Variants in ROCK1 observed in about 807,000 individuals in gnomAD.
ROCK1 encodes the protein rho-associated protein kinase 1.
In ROCK1, 36 loss-of-function variants were observed where a neutral mutation model predicts 196.8. The observed-to-expected ratio is 0.18, with a 90% CI of 0.14 to 0.24. The LOEUF is 0.24. Ranked by LOEUF, ROCK1 falls within the 10% of genes least tolerant of loss-of-function variation. The pLI, the probability that ROCK1 is intolerant of heterozygous loss-of-function variation, is 1.00. For missense variants in ROCK1, 920 were observed against 1,562.0 expected, an observed-to-expected ratio of 0.59 and a Z score of 6.93; for synonymous variants, 443 against 515.9, an observed-to-expected ratio of 0.86 and a Z score of 1.91.
intron 4 of ROCK1, among the ~76,000 whole-genome samples, chr18:21,045,734 G>T (rs1395136764): frequency 6.6e-6 from 1 of 151,846 alleles, no homozygotes; most frequent in East Asian, 1.9e-4. Flanking sequence ...CTTTTACTGA[G>T]AATTTTTTTA....
intron 13 of ROCK1, 21 bp from the exon 14 acceptor site, chr18:21,008,215 G>C (rs775131461): frequency 6.5e-7 from 1 of 1,532,772 alleles, no homozygotes; most frequent in South Asian, 1.2e-5. Flanking sequence ...AATGATAAAA[G>C]TTACCACTGT....
At chr18:21,102,093 A>C (rs1458164391) in intron 1 of ROCK1, among the ~76,000 whole-genome samples, 1 of 152,212 alleles carries the variant, frequency 6.6e-6, no homozygotes, top group Non-Finnish European at 1.5e-5. Flanking sequence ...AAACAGAATG[A>C]AAATTCACAT....
chr18:21,082,511 GCA>G (rs1331049879), intron 1 of ROCK1, among the ~76,000 whole-genome samples: 1 of 152,114 alleles, frequency 6.6e-6, no homozygotes, highest in Non-Finnish European at 1.5e-5. Flanking sequence ...TGCCAGGAAT[GCA>G]CAGTTGATTT....
chr18:21,010,824 T>C (rs2035810575), intron 13 of ROCK1, among the ~76,000 whole-genome samples: 1 of 152,220 alleles, frequency 6.6e-6, no homozygotes, highest in Admixed American at 6.5e-5. Flanking sequence ...AACCTTCCAG[T>C]CTTATCAACT....
At chr18:20,965,875 A>C (rs1001842378) in intron 27 of ROCK1, among the ~76,000 whole-genome samples, 3 of 152,172 alleles carry the variant, frequency 2.0e-5, no homozygotes, top group African/African-American at 7.2e-5. Context: ...GGGATCACAT[A>C]GCATACAGAG....
chr18:21,043,560 TATACATATACATA>T (rs896516715), intron 6 of ROCK1, among the ~76,000 whole-genome samples: 2 of 139,736 alleles, frequency 1.4e-5, no homozygotes, highest in African/African-American at 5.9e-5. Context: ...ATTATATGTA[TATACATATACATA>T]ATGTATATGT....
intron 2 of ROCK1, among the ~76,000 whole-genome samples, chr18:21,056,644 T>C (rs1236462983): frequency 2.6e-5 from 4 of 152,322 alleles, no homozygotes; most frequent in Non-Finnish European, 5.9e-5. Flanking sequence ...AGTCAGATCA[T>C]GTCACTTCTC....
At chr18:20,986,549 T>C (rs749170855) in intron 19 of ROCK1, among the ~76,000 whole-genome samples, 78 of 152,368 alleles carry the variant, frequency 5.1e-4, no homozygotes, top group Admixed American at 1.7e-3. Flanking sequence ...ATGTATACCC[T>C]GTGCTATCAA....
intron 2 of ROCK1, among the ~76,000 whole-genome samples, chr18:21,060,381 CACA>C (rs1427816620): frequency 1.3e-5 from 2 of 152,244 alleles, no homozygotes; most frequent in East Asian, 1.9e-4. Context: ...GGCAAGGATG[CACA>C]ACAACAGAAA....
At chr18:21,079,674 G>A (rs752619905) in intron 1 of ROCK1, among the ~76,000 whole-genome samples, 64 of 152,236 alleles carry the variant, frequency 4.2e-4, no homozygotes, top group Middle Eastern at 3.4e-3. Context: ...TCTGGAGCCC[G>A]CTTTAGCTCT....
intron 1 of ROCK1, among the ~76,000 whole-genome samples, chr18:21,075,067 T>A (rs757369772): frequency 1.3e-5 from 2 of 152,186 alleles, no homozygotes; most frequent in African/African-American, 4.8e-5. Flanking sequence ...AGGTATAACA[T>A]ACCAGGAGAA....
At chr18:20,998,596 AC>A (rs1332820483) in intron 16 of ROCK1, among the ~76,000 whole-genome samples, 12 of 136,288 alleles carry the variant, frequency 8.8e-5, no homozygotes, top group South Asian at 2.2e-4. Flanking sequence ...ATTTTACCAA[AC>A]TTTTTTTTTT....
rs780554862 is a variant in ROCK1 at position 21,110,846 on chromosome 18, T to C, written c.65A>G (p.Lys22Arg). 6.2e-7 allele frequency: 1 copy of C among 1,614,094 alleles called. No homozygotes were observed. Among genetic ancestry groups the C allele is most frequent in the South Asian group, 1.1e-5 (1 of 91,084 alleles). ...EKMDNLLRDP[K>R]SEVNSDCLLD... ...CAAACAATCCGAATTCACTTCCGAT[T>C]TGGGATCCCGCAGCAGGTTGTCCAT... is the stretch of plus-strand genomic sequence containing the variant. Residue 22 changes from lysine (K) to arginine (R), a missense_variant, in exon 1 of 33, where the codon AAA becomes AGA. Lys to Arg is a conservative substitution (Grantham distance 26). Around this residue, in one of 6 missense-constraint regions of ROCK1, gnomAD observed 234 missense variants for 460.7 expected, o/e 0.51. Coordinates refer to ENST00000399799, the MANE Select transcript of ROCK1 (RefSeq NM_005406.3).
chr18:21,098,103 T>C (rs866849517), intron 1 of ROCK1, among the ~76,000 whole-genome samples: 18 of 152,220 alleles, frequency 1.2e-4, no homozygotes, highest in Admixed American at 7.2e-4. Flanking sequence ...AAAACACCCA[T>C]GTGCTTCAAT....
intron 16 of ROCK1, 85 bp from the exon 17 acceptor site, chr18:20,993,022 G>GT: frequency 1.3e-6 from 1 of 769,762 alleles, no homozygotes; most frequent in Non-Finnish European, 2.1e-6. Context: ...TTTAAAAAAT[G>GT]TTTTTTTAAT....
At chr18:21,013,494 G>C (rs959356859) in intron 13 of ROCK1, among the ~76,000 whole-genome samples, 1 of 152,204 alleles carries the variant, frequency 6.6e-6, no homozygotes, top group Non-Finnish European at 1.5e-5. Flanking sequence ...ATTTTCAGTG[G>C]AAAGTTCTGA....
chr18:21,029,019 T>C (rs2035984610), intron 9 of ROCK1, 84 bp from the exon 10 acceptor site: 1 of 1,360,636 alleles, frequency 7.3e-7, no homozygotes, highest in South Asian at 1.3e-5. Context: ...CTACTGATGG[T>C]TTCTCTCTTA....
intron 16 of ROCK1, 68 bp downstream of exon 16, chr18:21,006,283 A>C: frequency 1.6e-6 from 2 of 1,265,300 alleles, no homozygotes; most frequent in Non-Finnish European, 2.2e-6. Context: ...TGTATATATA[A>C]AAATGGTTAA....
chr18:21,052,471 T>C (rs73959781), intron 2 of ROCK1, among the ~76,000 whole-genome samples: 1 of 152,168 alleles, frequency 6.6e-6, no homozygotes, highest in South Asian at 2.1e-4. Context: ...GCCTGAACTT[T>C]GTAGGCTTAT....
Sources: gnomAD v4.1 joint callset for allele counts (sites outside exome capture counted in the v4.1 genomes callset) on GRCh38, gnomAD v4.1.1 for gene constraint, gnomAD v4.1.1 regional missense constraint, MANE v1.5 for transcripts, NCBI Gene and HGNC (gene_info 2026-07-23, HGNC 2026-07-21) for gene names.